SLC7A8: variants seen among roughly 807,000 people sequenced by gnomAD.
The protein encoded by SLC7A8 is solute carrier family 7 member 8, also known as large neutral amino acids transporter small subunit 2.
In SLC7A8, 30 loss-of-function variants were observed where a neutral mutation model predicts 51.2. That is an observed-to-expected ratio of 0.59 (90% CI 0.44 to 0.80). The LOEUF is 0.80. SLC7A8 is among the 30% of genes least tolerant of loss of function. The probability of loss-of-function intolerance (pLI) is 0.00; values close to 1 mark genes in which losing one functional copy is unlikely to be tolerated. For synonymous variants in SLC7A8, 257 were observed against 275.8 expected (o/e 0.93, Z 0.67); for missense variants, 612 against 674.4 (o/e 0.91, Z 1.03).
chr14:23,180,649 A>T (rs79561673), intron 1 of SLC7A8, among the ~76,000 whole-genome samples: 1 of 152,178 alleles, frequency 6.6e-6, no homozygotes, highest in Non-Finnish European at 1.5e-5. Context: ...TTGAAGTACC[A>T]TCCATAAGGT....
intron 3 of SLC7A8, among the ~76,000 whole-genome samples, chr14:23,145,111 AGG>A (rs1257287842): frequency 6.7e-6 from 1 of 150,110 alleles, no homozygotes; most frequent in Admixed American, 6.6e-5. Context: ...TAGTAAAGAC[AGG>A]GTTTCACCGT....
intron 7 of SLC7A8, among the ~76,000 whole-genome samples, chr14:23,137,509 T>C (rs578034410): frequency 6.6e-6 from 1 of 152,292 alleles, no homozygotes; most frequent in African/African-American, 2.4e-5. Context: ...AGTCTCCCTC[T>C]TGGTCCCTTT....
At chr14:23,138,105 C>A in intron 6 of SLC7A8, 81 bp from the exon 7 acceptor site, 1 of 1,526,320 alleles carries the variant, frequency 6.6e-7, no homozygotes, top group Admixed American at 1.9e-5. Context: ...TCTGGGAAAC[C>A]GTTTCTCCTA....
chr14:23,147,369 C>T (rs530088380), intron 3 of SLC7A8, among the ~76,000 whole-genome samples: 14 of 152,268 alleles, frequency 9.2e-5, no homozygotes, highest in African/African-American at 1.7e-4. Flanking sequence ...ACAGGGACGA[C>T]GGGTGAAGTA....
rs1201371313 is a variant in SLC7A8 at position 23,131,999 on chromosome 14, ATTTTTTTT to A, written c.1017-450_1017-443del. Reference sequence around the variant, plus strand: ...ATATGGAAAGCTTTAAAAACACTCTATTTTTTTTTTTTTTTTTTTTTTTGAGATGGAGT... The same window carrying A: ...ATATGGAAAGCTTTAAAAACACTCTATTTTTTTTTTTTTTTGAGATGGAGT... On this transcript the variant is annotated intron_variant, in intron 7 of 10. Coordinates refer to ENST00000316902, the MANE Select transcript of SLC7A8 (RefSeq NM_012244.4). Among the ~76,000 whole-genome samples, 31 of 98,196 alleles carry A rather than the reference ATTTTTTTT, an allele frequency of 3.2e-4. 1 individual carries two copies. Among genetic ancestry groups the A allele is most frequent in the African/African-American group, 9.7e-4 (25 of 25,772 alleles). 64.4% of individuals were successfully genotyped at this position (98,196 alleles called of 152,430 possible).
chr14:23,167,727 G>C (rs1362071544), intron 1 of SLC7A8, among the ~76,000 whole-genome samples: 1 of 152,136 alleles, frequency 6.6e-6, no homozygotes, highest in Non-Finnish European at 1.5e-5. Flanking sequence ...CTAAATGCCT[G>C]AGGAAAGGAG....
rs2048600973 is a variant in SLC7A8, at chr14:23,128,423, T to A, written c.1264-227A>T. 1 of 1,468,152 alleles carries A rather than the reference T, an allele frequency of 6.8e-7. No homozygotes were observed. Among genetic ancestry groups the A allele is most frequent in the African/African-American group, 1.4e-5 (1 of 71,682 alleles). 90.9% of individuals were successfully genotyped at this position (1,468,152 alleles called of 1,614,324 possible). On this transcript the variant is annotated intron_variant, in intron 9 of 10. Transcript: ENST00000316902. This position sits in a 1 kb window ranked among gnomAD's most constrained non-coding sequence, Gnocchi z 4.3. ...CAGACAGGAAGAGGATGGGGAGGAG[T>A]TAGGGAGGAAACGATCCTCCTTGCC...
rs2048613648 is a variant in SLC7A8 at position 23,129,678 on chromosome 14, T to C, written c.1235A>G (p.Lys412Arg). The change falls in exon 9 of 11, where the codon AAG (lysine) becomes AGG (arginine). Residue 412 changes from lysine to arginine, a missense_variant. Coordinates refer to ENST00000316902, the MANE Select transcript of SLC7A8 (RefSeq NM_012244.4). ...GATGGGGCGGGGGATATCAGGCTTC[T>C]TCCAGCGAAGGACTATCTGTCCAGC... ...TVAGQIVLRW[K>R]KPDIPRPIKI... 2.5e-6 allele frequency: 4 copies of C among 1,614,198 alleles called. No homozygotes were observed. Among genetic ancestry groups the C allele is most frequent in the Non-Finnish European group, 3.4e-6 (4 of 1,180,018 alleles).
At chr14:23,163,541 C>T (rs77863888) in intron 3 of SLC7A8, among the ~76,000 whole-genome samples, 4,033 of 152,222 alleles carry the variant, frequency 0.026, 216 homozygotes, top group African/African-American at 0.093. Context: ...CCAAGGAGAC[C>T]GCCTCTTGGG....
chr14:23,127,825 C>T (rs2048592457), intron 10 of SLC7A8, among the ~76,000 whole-genome samples, 194 bp downstream of exon 10: 1 of 152,126 alleles, frequency 6.6e-6, no homozygotes, highest in Non-Finnish European at 1.5e-5. Context: ...GTGGAAATGC[C>T]AGCTGTTCTC....
intron 5 of SLC7A8, among the ~76,000 whole-genome samples, chr14:23,140,079 G>A (rs370493728): frequency 6.6e-6 from 1 of 151,998 alleles, no homozygotes; most frequent in Non-Finnish European, 1.5e-5. Flanking sequence ...TTGGAAATAC[G>A]CTCCACACCT....
intron 3 of SLC7A8, among the ~76,000 whole-genome samples, chr14:23,149,307 G>T (rs1045104122): frequency 6.6e-6 from 1 of 152,150 alleles, no homozygotes; most frequent in Non-Finnish European, 1.5e-5. Context: ...CAGGGCAAAA[G>T]ATACAATATC....
chr14:23,154,343 G>T, intron 3 of SLC7A8: 1 of 1,000,108 alleles, frequency 1.0e-6, no homozygotes. Flanking sequence ...TGGAGCAAAA[G>T]GGGTGAGGCA....
chr14:23,177,663 G>A (rs143871121), intron 1 of SLC7A8, among the ~76,000 whole-genome samples: 17 of 152,248 alleles, frequency 1.1e-4, no homozygotes, highest in South Asian at 4.1e-4. Flanking sequence ...CCTCTAACAC[G>A]GCTGGGAAGA....
intron 7 of SLC7A8, 61 bp downstream of exon 7, chr14:23,137,860 C>T: frequency 1.3e-6 from 2 of 1,590,492 alleles, no homozygotes; most frequent in Non-Finnish European, 8.5e-7. Context: ...CCACCATATA[C>T]AAATAGCAAA....
chr14:23,127,243 C>T lies in SLC7A8; in HGVS notation c.1542G>A (p.Gln514=), dbSNP rs768677571. 2.5e-6 allele frequency: 4 copies of T among 1,614,138 alleles called. No individual in the cohort carries two copies. Among genetic ancestry groups the T allele is most frequent in the Non-Finnish European group, 8.5e-7 (1 of 1,179,994 alleles). Residue 514 remains glutamine (Q), a synonymous_variant, in exon 11 of 11, where the codon CAG becomes CAA. Coordinates refer to ENST00000316902, the MANE Select transcript of SLC7A8 (RefSeq NM_012244.4). The stretch of plus-strand genomic sequence containing the variant: ...GAGTGGGTTGGTACATGGGCTGCTG[C>T]TGCTCCTCCATGTCCTCATTAGCCT... The part of the protein sequence containing the change: ...TEEANEDMEE[Q]QQPMYQPTPT...
Position 23,166,504 on chromosome 14 carries a change from T to G in SLC7A8, c.188A>C (p.Lys63Thr), listed in dbSNP as rs752692478. 6.2e-7 allele frequency: 1 copy of G among 1,614,104 alleles called. No homozygotes were observed. The highest frequency in any genetic ancestry group is 1.1e-5 in the South Asian group (1 of 91,080). ...AGAACCAGCATTCTCCAGCACTCCC[T>G]TTGGCGAGACAAAGATTCCAGAGCC... ...IIGSGIFVSP[K>T]GVLENAGSVG... Residue 63 changes from lysine (K) to threonine (T), a missense_variant, in exon 2 of 11, where the codon AAG becomes ACG. Physicochemically the swap from Lys to Thr is moderately conservative, Grantham distance 78. Coordinates refer to ENST00000316902, the MANE Select transcript of SLC7A8 (RefSeq NM_012244.4).
intron 1 of SLC7A8, 56 bp from the exon 2 acceptor site, chr14:23,166,596 G>T: frequency 1.3e-6 from 2 of 1,587,628 alleles, no homozygotes; most frequent in Non-Finnish European, 8.6e-7. Flanking sequence ...ACGGTTGGCA[G>T]GATTGGCATT....
At chr14:23,155,298 C>T (rs1218721869) in intron 3 of SLC7A8, 4 of 1,535,868 alleles carry the variant, frequency 2.6e-6, no homozygotes, top group Non-Finnish European at 3.5e-6. Flanking sequence ...TGTGAGTGCT[C>T]CTGGAGGCAC....
Sources: allele counts gnomAD v4.1 joint callset (sites outside exome capture counted in the v4.1 genomes callset), GRCh38; gene constraint gnomAD v4.1.1; non-coding constraint Gnocchi (gnomAD v3.1); transcripts MANE v1.5; gene names NCBI Gene and HGNC (gene_info 2026-07-23, HGNC 2026-07-21).